The following CDC42BPA variants were observed in gnomAD, a reference collection of about 807,000 sequenced individuals.
CDC42BPA encodes the protein CDC42 binding protein kinase alpha.
A neutral mutation model predicts 223.5 loss-of-function variants in CDC42BPA; 80 were observed. That is an observed-to-expected ratio of 0.36 (90% CI 0.30 to 0.43). CDC42BPA has a LOEUF of 0.43. CDC42BPA is among the 20% of genes least tolerant of loss of function. The probability of loss-of-function intolerance (pLI) is 1.00; values close to 1 mark genes in which losing one functional copy is unlikely to be tolerated. For missense variants in CDC42BPA, 1,743 were observed against 2,099.9 expected, an observed-to-expected ratio of 0.83 and a Z score of 3.32; for synonymous variants, 694 against 718.6, an observed-to-expected ratio of 0.97 and a Z score of 0.55.
At chr1:227,252,331 C>G (rs919704081) in intron 2 of CDC42BPA, among the ~76,000 whole-genome samples, 1 of 151,930 alleles carries the variant, frequency 6.6e-6, no homozygotes, top group African/African-American at 2.4e-5. Flanking sequence ...AATGGATAAA[C>G]CTAGCAAAAC....
chr1:227,106,463 CTTTT>C (rs937136416), intron 14 of CDC42BPA, among the ~76,000 whole-genome samples: 8 of 152,012 alleles, frequency 5.3e-5, no homozygotes, highest in Admixed American at 2.0e-4. Flanking sequence ...CCAATTTATA[CTTTT>C]TTTGTTATTT....
chr1:227,174,461 C>G (rs1046629608), intron 5 of CDC42BPA, among the ~76,000 whole-genome samples: 3 of 152,124 alleles, frequency 2.0e-5, no homozygotes, highest in Non-Finnish European at 4.4e-5. Flanking sequence ...AGGCAAAGCA[C>G]ATACCAATCC....
In CDC42BPA at chr1:226,990,243, A is replaced by T. The variant is rs1436526110; in HGVS notation, c.*4025T>A. ...ATATTACACTATCAAATAAAAAGAC[A>T]AGTCATTTTGTTTTCATGAGATTTC... is the stretch of plus-strand genomic sequence containing the variant. On this transcript the variant is annotated 3_prime_UTR_variant, in exon 37 of 37. Transcript: ENST00000366766. 1 of 152,156 alleles carries T rather than the reference A, an allele frequency of 6.6e-6. No individual in the cohort carries two copies. The highest frequency in any genetic ancestry group is 1.9e-4 in the East Asian group (1 of 5,194). 9.4% of individuals were successfully genotyped at this position (152,156 alleles called of 1,614,324 possible).
intron 2 of CDC42BPA, among the ~76,000 whole-genome samples, chr1:227,253,786 AAAG>A (rs1682579897): frequency 2.6e-5 from 4 of 152,126 alleles, no homozygotes; most frequent in Admixed American, 2.6e-4. Flanking sequence ...CAACAGAACA[AAAG>A]AAGAGTCTAG....
At chr1:227,193,237 T>A (rs967539113) in intron 5 of CDC42BPA, among the ~76,000 whole-genome samples, 1 of 16,394 alleles carries the variant, frequency 6.1e-5, no homozygotes, top group Middle Eastern at 0.033. Flanking sequence ...GCCCGGCTAA[T>A]TTTTTTTTGT....
chr1:227,152,245 A>AT (rs1005500700), intron 6 of CDC42BPA, among the ~76,000 whole-genome samples: 2 of 152,006 alleles, frequency 1.3e-5, no homozygotes, highest in African/African-American at 4.8e-5. Context: ...GAATTTATCT[A>AT]TTTTTTTCTT....
intron 1 of CDC42BPA, among the ~76,000 whole-genome samples, chr1:227,294,038 G>A (rs1220640352): frequency 6.6e-6 from 1 of 152,174 alleles, no homozygotes; most frequent in Non-Finnish European, 1.5e-5. Flanking sequence ...TTGGGAGGCT[G>A]AGGCGGGTGG....
rs772349689 is a variant in CDC42BPA, at chr1:227,125,386, C to T, written c.1513+3723G>A. The stretch of plus-strand genomic sequence containing the variant: ...CAGCACTTTGGAAAGCTGAGGAGGG[C>T]GAATCACTTGAGGACAGGAGTTTGA... On this transcript the variant is annotated intron_variant, in intron 11 of 36. Transcript: ENST00000366766. Among the ~76,000 whole-genome samples the T allele has an allele frequency of 5.3e-5, 8 of 151,726 alleles. No individual in the cohort carries two copies. In the East Asian group the frequency reaches 5.8e-4, roughly 11 times the overall value.
In CDC42BPA at chr1:227,072,300, C is replaced by T. The variant is rs778052069; in HGVS notation, c.2736-1G>A. ...CTTCTTCTCTGAATCTTTTAGTTTA[C>T]TTAAATAAGGAGAAAAAAGGAAAAA... On this transcript the variant is annotated splice_acceptor_variant, in intron 19 of 36. Coordinates refer to ENST00000366766, the MANE Select transcript of CDC42BPA (RefSeq NM_001394014.1). LOFTEE classifies it high-confidence loss of function. 1 of 1,565,854 alleles carries T rather than the reference C, an allele frequency of 6.4e-7. No homozygotes were observed. Among genetic ancestry groups the T allele is most frequent in the Admixed American group, 1.7e-5 (1 of 58,826 alleles).
intron 25 of CDC42BPA, 42 bp downstream of exon 25, chr1:227,035,429 A>C (rs749998167): frequency 6.8e-7 from 1 of 1,472,664 alleles, no homozygotes; most frequent in Non-Finnish European, 9.3e-7. Flanking sequence ...TTCATTAATA[A>C]ATCTTAAAGG....
At chr1:227,118,018 T>C (rs1688045608) in intron 12 of CDC42BPA, among the ~76,000 whole-genome samples, 1 of 152,184 alleles carries the variant, frequency 6.6e-6, no homozygotes, top group Non-Finnish European at 1.5e-5. Flanking sequence ...GTGAAGATAC[T>C]TGACCTCATT....
chr1:227,110,564 C>G (rs565923278), intron 14 of CDC42BPA, among the ~76,000 whole-genome samples: 1 of 152,180 alleles, frequency 6.6e-6, no homozygotes, highest in Non-Finnish European at 1.5e-5. Context: ...AAATATTTAA[C>G]TCTTCTGACC....
chr1:227,150,076 T>C (rs1661442148), intron 6 of CDC42BPA, among the ~76,000 whole-genome samples: 1 of 151,680 alleles, frequency 6.6e-6, no homozygotes, highest in African/African-American at 2.4e-5. Context: ...ATACAAAAAT[T>C]AGCTGGACAT....
chr1:227,183,903 T>C (rs1034538485), intron 5 of CDC42BPA, among the ~76,000 whole-genome samples: 4 of 152,154 alleles, frequency 2.6e-5, no homozygotes, highest in African/African-American at 9.6e-5. Flanking sequence ...AGGTGGGTAA[T>C]AATATCTCAT....
At chr1:227,259,840 A>G (rs1426284138) in intron 1 of CDC42BPA, among the ~76,000 whole-genome samples, 1 of 151,004 alleles carries the variant, frequency 6.6e-6, no homozygotes, top group East Asian at 1.9e-4. Context: ...AAAAATAAAC[A>G]AAACAGAATC....
In CDC42BPA at chr1:227,105,352, TTC is replaced by T. The variant is rs1303997307; in HGVS notation, c.2002-4115_2002-4114del. ...TACTTTGTATCTGTGAATTTGCCTA[TTC>T]TCTTTTTTTTTTTTTTTTTTTTTTT... On this transcript the variant is annotated intron_variant, in intron 14 of 36. Coordinates refer to ENST00000366766, the MANE Select transcript of CDC42BPA (RefSeq NM_001394014.1). 9.3e-4 allele frequency among the ~76,000 whole-genome samples: 120 copies of T among 129,420 alleles called. 3 individuals carry two copies. In the East Asian group the frequency reaches 0.019, roughly 21 times the overall value. The allele number at this position is 129,420 out of a possible 152,430, so 84.9% of individuals were successfully genotyped here. A position where few individuals can be genotyped will look rare whatever the true frequency, so the allele number is the denominator to read the frequency against.
At chr1:227,170,540 A>G (rs1236054125) in intron 5 of CDC42BPA, among the ~76,000 whole-genome samples, 1 of 152,126 alleles carries the variant, frequency 6.6e-6, no homozygotes, top group Non-Finnish European at 1.5e-5. Context: ...GAGATGTATT[A>G]TCTTCTCCCT....
intron 34 of CDC42BPA, among the ~76,000 whole-genome samples, chr1:227,013,032 G>A: frequency 6.6e-6 from 1 of 152,132 alleles, no homozygotes. Flanking sequence ...AAATCTGGTT[G>A]TGAAGAAGAG....
intron 21 of CDC42BPA, among the ~76,000 whole-genome samples, chr1:227,063,194 T>A (rs2148977199): frequency 6.6e-6 from 1 of 152,280 alleles, no homozygotes; most frequent in Admixed American, 6.5e-5. Context: ...CATATATACC[T>A]ACACACACTG....
Sources: allele counts gnomAD v4.1 joint callset (sites outside exome capture counted in the v4.1 genomes callset), GRCh38; gene constraint gnomAD v4.1.1; transcripts MANE v1.5; gene names NCBI Gene and HGNC (gene_info 2026-07-23, HGNC 2026-07-21).